HPSE2: variants seen among roughly 807,000 people sequenced by gnomAD.
The protein encoded by HPSE2 is heparanase 2 (inactive), also known as inactive heparanase-2.
A neutral mutation model predicts 60.5 loss-of-function variants in HPSE2; 38 were observed. The ratio of observed to expected loss-of-function variants is 0.63; its 90% CI spans 0.48 to 0.82. The LOEUF is 0.82. Ranked by LOEUF, HPSE2 falls within the 40% of genes least tolerant of loss-of-function variation. The pLI is 0.00. For missense variants in HPSE2, 713 were observed against 740.4 expected (o/e 0.96, Z 0.43); for synonymous variants, 295 against 293.2 (o/e 1.01, Z -0.06).
chr10:98,544,537 C>T (rs1196019017), intron 9 of HPSE2, among the ~76,000 whole-genome samples: 4 of 151,466 alleles, frequency 2.6e-5, no homozygotes, highest in African/African-American at 9.7e-5. Context: ...AGTGAAACCC[C>T]GTCTCTACTA....
chr10:98,734,996 C>T (rs2134296187), intron 4 of HPSE2, among the ~76,000 whole-genome samples: 1 of 38,434 alleles, frequency 2.6e-5, no homozygotes, highest in Non-Finnish European at 6.5e-5. Flanking sequence ...AATATTGACA[C>T]ATCATTATTA....
chr10:98,610,124 A>T (rs1027883490), intron 9 of HPSE2, among the ~76,000 whole-genome samples: 1 of 152,142 alleles, frequency 6.6e-6, no homozygotes, highest in Non-Finnish European at 1.5e-5. Context: ...TACAGGCGTG[A>T]GCCATTGTGC....
chr10:99,302,075 T>C, the HPSE2 span, among the ~76,000 whole-genome samples: 1 of 151,372 alleles, frequency 6.6e-6, no homozygotes, highest in African/African-American at 2.4e-5. Flanking sequence ...CAGAGAAGAG[T>C]AGCTTTACAC....
intron 11 of HPSE2, among the ~76,000 whole-genome samples, chr10:98,468,741 C>A (rs1378359581): frequency 6.6e-6 from 1 of 152,076 alleles, no homozygotes; most frequent in Admixed American, 6.6e-5. Context: ...AGGAGTCATG[C>A]CTGGCTGTAT....
intron 3 of HPSE2, among the ~76,000 whole-genome samples, chr10:98,807,203 T>C (rs945079548): frequency 6.6e-6 from 1 of 152,192 alleles, no homozygotes; most frequent in Non-Finnish European, 1.5e-5. Flanking sequence ...TCAGCTTCAA[T>C]ATTTTCAAAA....
At chr10:98,818,542 C>T (rs549184122) in intron 3 of HPSE2, among the ~76,000 whole-genome samples, 1 of 152,222 alleles carries the variant, frequency 6.6e-6, no homozygotes, top group South Asian at 2.1e-4. Context: ...GACCAGTACC[C>T]CTCTGTGGCC....
At chr10:99,255,144 T>G in the HPSE2 span, among the ~76,000 whole-genome samples, 4 of 152,180 alleles carry the variant, frequency 2.6e-5, no homozygotes, top group Non-Finnish European at 5.9e-5. Flanking sequence ...CATTGAAAAC[T>G]AATGATCCCA....
At chr10:99,315,069 C>T in the HPSE2 span, among the ~76,000 whole-genome samples, 1 of 152,200 alleles carries the variant, frequency 6.6e-6, no homozygotes, top group Admixed American at 6.5e-5. Flanking sequence ...ACACAAAGAA[C>T]ACTAATTTTA....
chr10:98,946,748 C>T (rs1436093616), intron 3 of HPSE2, among the ~76,000 whole-genome samples: 1 of 151,930 alleles, frequency 6.6e-6, no homozygotes, highest in African/African-American at 2.4e-5. Flanking sequence ...TGTAAAGAGG[C>T]AGTATTAAGC....
At position 98,659,964 on chromosome 10, in the gene HPSE2, G is replaced by A. The variant is rs545384019; in HGVS notation, c.1005-18024C>T. Among the ~76,000 whole-genome samples, 51 of 152,316 alleles carry A rather than the reference G, an allele frequency of 3.3e-4. 1 individual carries two copies. The highest frequency in any genetic ancestry group is 1.1e-3 in the African/African-American group (47 of 41,578). On this transcript the variant is annotated intron_variant, in intron 6 of 11. Coordinates refer to ENST00000370552, the MANE Select transcript of HPSE2 (RefSeq NM_021828.5). ...ATTGCTAACTTCACTGAGTACTTGT[G>A]AGGCATTAATAAGCTAAGGATGGGA...
rs373777753 is a variant in HPSE2 at position 99,101,635 on chromosome 10, T to C, written c.610+42603A>G. ...AACTCAACTCTGCACCAAGTGGACC[T>C]AATAGACATCTACAGAACTCTCCAC... is the stretch of plus-strand genomic sequence containing the variant. On this transcript the variant is annotated intron_variant, in intron 3 of 11. Coordinates refer to ENST00000370552, the MANE Select transcript of HPSE2 (RefSeq NM_021828.5). 2.4e-4 allele frequency among the ~76,000 whole-genome samples: 37 copies of C among 152,336 alleles called. No homozygotes were observed. The East Asian group carries it at 5.2e-3, about 21-fold the overall frequency.
chr10:98,516,974 T>G (rs376299206), intron 9 of HPSE2, among the ~76,000 whole-genome samples: 1 of 152,292 alleles, frequency 6.6e-6, no homozygotes, highest in African/African-American at 2.4e-5. Context: ...TCACTAGGAT[T>G]GTCAAAGTTC....
At chr10:98,516,632 C>G (rs1172152888) in intron 9 of HPSE2, among the ~76,000 whole-genome samples, 1 of 152,030 alleles carries the variant, frequency 6.6e-6, no homozygotes, top group Non-Finnish European at 1.5e-5. Flanking sequence ...AATTACTAAA[C>G]CAGGAGGGTA....
At chr10:98,482,515 T>C (rs1941278150) in intron 11 of HPSE2, 121 bp downstream of exon 11, 2 of 1,241,630 alleles carry the variant, frequency 1.6e-6, no homozygotes, top group East Asian at 2.3e-5. Context: ...AGACCGCTCT[T>C]TGTCCTACTC....
At chr10:98,579,692 C>G (rs1318750620) in intron 9 of HPSE2, among the ~76,000 whole-genome samples, 2 of 152,276 alleles carry the variant, frequency 1.3e-5, no homozygotes, top group East Asian at 3.9e-4. Context: ...AAGATGTAGT[C>G]TAAGTGTTGA....
chr10:98,763,587 T>C (rs997750069), intron 3 of HPSE2, among the ~76,000 whole-genome samples: 6 of 152,234 alleles, frequency 3.9e-5, no homozygotes, highest in Admixed American at 6.5e-5. Context: ...TTTAAAAGAC[T>C]CTTTTCCTCA....
intron 2 of HPSE2, among the ~76,000 whole-genome samples, chr10:99,173,164 C>T (rs1847383483): frequency 6.6e-6 from 1 of 152,072 alleles, no homozygotes; most frequent in South Asian, 2.1e-4. Flanking sequence ...ACTGCAGGTT[C>T]TGGAGAGATG....
intron 9 of HPSE2, among the ~76,000 whole-genome samples, chr10:98,496,054 T>C (rs1459628149): frequency 6.6e-6 from 1 of 152,078 alleles, no homozygotes; most frequent in Non-Finnish European, 1.5e-5. Flanking sequence ...GTTTTTGGTG[T>C]GTGTGTGTGT....
chr10:99,225,607 A>G (rs182574137), intron 2 of HPSE2, among the ~76,000 whole-genome samples: 1 of 152,208 alleles, frequency 6.6e-6, no homozygotes, highest in Admixed American at 6.5e-5. Flanking sequence ...AACCTTGACA[A>G]ATGCAGTTAT....
Sources: gnomAD v4.1 joint callset for allele counts (sites outside exome capture counted in the v4.1 genomes callset) on GRCh38, gnomAD v4.1.1 for gene constraint, MANE v1.5 for transcripts, NCBI Gene and HGNC (gene_info 2026-07-23, HGNC 2026-07-21) for gene names.